The following DPYD variants were observed in gnomAD, a reference collection of about 807,000 sequenced individuals.
The protein encoded by DPYD is dihydropyrimidine dehydrogenase.
Under a neutral mutation model 116.2 loss-of-function variants are expected in DPYD, and 109 were observed. The ratio of observed to expected loss-of-function variants is 0.94; its 90% CI spans 0.80 to 1.10. DPYD has a LOEUF of 1.10. DPYD is among the 50% of genes least tolerant of loss of function. DPYD has a pLI of 0.00. For missense variants in DPYD, 1,302 were observed against 1,254.5 expected, an observed-to-expected ratio of 1.04 and a Z score of -0.57; for synonymous variants, 440 against 432.0, an observed-to-expected ratio of 1.02 and a Z score of -0.23.
chr1:97,825,345 T>C (rs1198347325), intron 3 of DPYD, among the ~76,000 whole-genome samples: 1 of 151,710 alleles, frequency 6.6e-6, no homozygotes, highest in South Asian at 2.1e-4. Flanking sequence ...AAAACCTAAA[T>C]AAATAAGGAG....
intron 11 of DPYD, among the ~76,000 whole-genome samples, chr1:97,570,064 T>C (rs541806037): frequency 6.6e-6 from 1 of 152,138 alleles, no homozygotes; most frequent in South Asian, 2.1e-4. Context: ...CATTTTATGA[T>C]AGGGAATATT....
intron 1 of DPYD, among the ~76,000 whole-genome samples, chr1:97,904,996 C>G (rs547125551): frequency 1.3e-5 from 2 of 152,128 alleles, no homozygotes; most frequent in East Asian, 3.9e-4. Context: ...TTGACTTACA[C>G]AATTAAAGTT....
intron 20 of DPYD, among the ~76,000 whole-genome samples, chr1:97,185,698 G>C (rs776199465): frequency 2.0e-5 from 3 of 152,102 alleles, no homozygotes; most frequent in Non-Finnish European, 4.4e-5. Flanking sequence ...GTGAGTGAAA[G>C]TTGCAACACA....
chr1:97,624,888 T>C (rs535289530), intron 8 of DPYD, among the ~76,000 whole-genome samples: 2 of 152,130 alleles, frequency 1.3e-5, no homozygotes, highest in South Asian at 4.1e-4. Context: ...ATGTTCTCAC[T>C]TGGATGTCGA....
At chr1:97,830,253 C>A (rs148946959) in intron 2 of DPYD, among the ~76,000 whole-genome samples, 1 of 152,032 alleles carries the variant, frequency 6.6e-6, no homozygotes, top group African/African-American at 2.4e-5. Context: ...TGGGCCTCCA[C>A]CACTGTAGAG....
intron 20 of DPYD, among the ~76,000 whole-genome samples, chr1:97,175,198 T>C (rs764632448): frequency 6.7e-6 from 1 of 149,608 alleles, no homozygotes; most frequent in Non-Finnish European, 1.5e-5. Flanking sequence ...TTGCCAACAT[T>C]TATGTTTTCA....
At chr1:97,096,711 A>T (rs1650273444) in intron 21 of DPYD, among the ~76,000 whole-genome samples, 1 of 152,148 alleles carries the variant, frequency 6.6e-6, no homozygotes, top group Non-Finnish European at 1.5e-5. Context: ...CACAGGGAGG[A>T]TTGAAAAAAG....
At position 97,098,552 on chromosome 1, in the gene DPYD, A is replaced by G. The variant is rs1650433222; in HGVS notation, c.2703T>C (p.Asn901=). ...TTCTCTTAAGTGGTGAAAAAGCTAC[A>G]TTTTGTTCTTTCAGTCTAATCTTGT... is the stretch of plus-strand genomic sequence containing the variant. ...AENKIRLKEQ[N]VAFSPLKRNC... is the part of the protein sequence containing the mutation. The change falls in exon 21 of 23, where the codon AAT becomes AAC. Residue 901 remains asparagine (N), a synonymous_variant. Transcript: ENST00000370192. 1.9e-6 allele frequency: 3 copies of G among 1,613,132 alleles called. No homozygotes were observed. Among genetic ancestry groups the G allele is most frequent in the Admixed American group, 1.7e-5 (1 of 59,938 alleles).
At chr1:97,425,314 A>G (rs1175601247) in intron 14 of DPYD, among the ~76,000 whole-genome samples, 1 of 152,096 alleles carries the variant, frequency 6.6e-6, no homozygotes, top group Non-Finnish European at 1.5e-5. Context: ...TGATTTGCCT[A>G]TTTAGAATCT....
chr1:97,388,103 G>A (rs1343232390), intron 14 of DPYD, among the ~76,000 whole-genome samples: 2 of 152,086 alleles, frequency 1.3e-5, no homozygotes, highest in Non-Finnish European at 2.9e-5. Flanking sequence ...GTTCTAGTTG[G>A]TGAATGCTTA....
At chr1:97,464,639 C>T (rs556676806) in intron 13 of DPYD, among the ~76,000 whole-genome samples, 1 of 152,130 alleles carries the variant, frequency 6.6e-6, no homozygotes, top group East Asian at 1.9e-4. Context: ...AAGCCTCAGG[C>T]CTTGGCAGCT....
Position 97,217,850 on chromosome 1 carries a change from G to A in DPYD, c.2442+17002C>T, listed in dbSNP as rs188999175. Reference sequence around the variant, plus strand: ...GCGGGGCAACACCAGGGTGGCTGGAGCAGGAGGGAGATACTCGGAGGACTG... The same window carrying A: ...GCGGGGCAACACCAGGGTGGCTGGAACAGGAGGGAGATACTCGGAGGACTG... On this transcript the variant is annotated intron_variant, in intron 19 of 22. Coordinates refer to ENST00000370192, the MANE Select transcript of DPYD (RefSeq NM_000110.4). Among the ~76,000 whole-genome samples, 153 of 152,304 alleles carry A rather than the reference G, an allele frequency of 1.0e-3. 1 individual carries two copies. Among genetic ancestry groups the A allele is most frequent in the Non-Finnish European group, 1.5e-3 (99 of 68,030 alleles).
intron 16 of DPYD, among the ~76,000 whole-genome samples, chr1:97,341,969 G>C (rs1669608619): frequency 6.6e-6 from 1 of 152,180 alleles, no homozygotes; most frequent in African/African-American, 2.4e-5. Context: ...CACTAGCATA[G>C]TAGTTGTTTT....
At chr1:97,300,784 C>T (rs923242409) in intron 18 of DPYD, among the ~76,000 whole-genome samples, 11 of 152,012 alleles carry the variant, frequency 7.2e-5, no homozygotes, top group African/African-American at 2.7e-4. Context: ...TCTAACAATT[C>T]ACGCCTAAGT....
At chr1:97,173,556 A>ATT (rs746939312) in intron 20 of DPYD, among the ~76,000 whole-genome samples, 4 of 148,260 alleles carry the variant, frequency 2.7e-5, no homozygotes, top group South Asian at 2.1e-4. Flanking sequence ...GTTTATTACT[A>ATT]TTTTTTTTTT....
Position 97,277,186 on chromosome 1 carries a change from AC to A in DPYD, c.2299+28072del, listed in dbSNP as rs1157619816. 1.1e-4 allele frequency among the ~76,000 whole-genome samples: 16 copies of A among 152,238 alleles called. No individual in the cohort carries two copies. The South Asian group carries it at 2.5e-3, about 24-fold the overall frequency. Reference sequence around the variant, plus strand: ...ATACATGGACATATAGATGGGAACAACAGACACTTGGGACTACCAGAGAAAG... The same window carrying A: ...ATACATGGACATATAGATGGGAACAAAGACACTTGGGACTACCAGAGAAAG... On this transcript the variant is annotated intron_variant, in intron 18 of 22. Coordinates refer to ENST00000370192, the MANE Select transcript of DPYD (RefSeq NM_000110.4).
intron 8 of DPYD, among the ~76,000 whole-genome samples, chr1:97,618,028 C>T (rs1421823874): frequency 6.6e-6 from 1 of 152,076 alleles, no homozygotes; most frequent in African/African-American, 2.4e-5. Flanking sequence ...TATAAGAAAC[C>T]AAATGGGCAA....
chr1:97,521,923 G>A (rs924996816), intron 12 of DPYD, among the ~76,000 whole-genome samples: 5 of 152,104 alleles, frequency 3.3e-5, no homozygotes, highest in Non-Finnish European at 5.9e-5. Flanking sequence ...ATGGATTAAA[G>A]ACTTAAATGT....
At chr1:97,762,898 C>T (rs552645806) in intron 3 of DPYD, among the ~76,000 whole-genome samples, 1 of 151,990 alleles carries the variant, frequency 6.6e-6, no homozygotes. Context: ...AAATATGCGT[C>T]GTCACAACTG....
Sources: gnomAD v4.1 joint callset for allele counts (sites outside exome capture counted in the v4.1 genomes callset) on GRCh38, gnomAD v4.1.1 for gene constraint, MANE v1.5 for transcripts, NCBI Gene and HGNC (gene_info 2026-07-23, HGNC 2026-07-21) for gene names.